Variants in OSBP2 observed in about 807,000 individuals in gnomAD.
OSBP2 encodes oxysterol-binding protein 2.
Under a neutral mutation model 96.0 loss-of-function variants are expected in OSBP2, and 66 were observed. The ratio of observed to expected loss-of-function variants is 0.69; its 90% confidence interval spans 0.56 to 0.84. The LOEUF (loss-of-function observed/expected upper bound fraction) is 0.84. Among genes scored for constraint, OSBP2 ranks in the 40% least tolerant of loss-of-function variants. OSBP2 has a pLI of 0.00. For missense variants in OSBP2, 1,038 were observed against 1,222.7 expected, an observed-to-expected ratio of 0.85 and a Z score of 2.25; for synonymous variants, 525 against 520.9, an observed-to-expected ratio of 1.01 and a Z score of -0.11.
intron 2 of OSBP2, among the ~76,000 whole-genome samples, chr22:30,864,763 C>T (rs1452885062): frequency 4.6e-5 from 7 of 152,122 alleles, no homozygotes; most frequent in South Asian, 2.1e-4. Context: ...GTGCAGTGAG[C>T]GGGGTGAGTG....
At chr22:30,791,260 C>T (rs1332154245) in intron 2 of OSBP2, among the ~76,000 whole-genome samples, 5 of 151,586 alleles carry the variant, frequency 3.3e-5, no homozygotes, top group Admixed American at 3.3e-4. Context: ...GTGTGAGCCA[C>T]CATGCCCAGC....
chr22:30,707,992 A>C (rs897068640), intron 1 of OSBP2, among the ~76,000 whole-genome samples: 1 of 151,582 alleles, frequency 6.6e-6, no homozygotes, highest in Non-Finnish European at 1.5e-5. Flanking sequence ...GGTTCAAGCG[A>C]GTCTCCTGCC....
At chr22:30,756,498 G>A (rs1035294701) in intron 2 of OSBP2, among the ~76,000 whole-genome samples, 8 of 152,266 alleles carry the variant, frequency 5.3e-5, no homozygotes, top group African/African-American at 1.9e-4. Flanking sequence ...TTCCAGACCA[G>A]CCTGACCAAT....
At chr22:30,857,603 A>G (rs1332486107) in intron 2 of OSBP2, among the ~76,000 whole-genome samples, 1 of 152,264 alleles carries the variant, frequency 6.6e-6, no homozygotes, top group Admixed American at 6.5e-5. Context: ...TAGCCAAGTA[A>G]TAATGGCCAA....
chr22:30,875,630 C>G (rs1569160963), intron 3 of OSBP2, among the ~76,000 whole-genome samples: 1 of 152,228 alleles, frequency 6.6e-6, no homozygotes. Flanking sequence ...CCTCGGCCTC[C>G]CAAAGTGCTG....
intron 2 of OSBP2, among the ~76,000 whole-genome samples, chr22:30,814,531 A>G (rs112790967): frequency 0.011 from 1,690 of 151,406 alleles, 30 homozygotes; most frequent in African/African-American, 0.035. Context: ...TCCCGGGTTC[A>G]AGTGATTCTG....
At chr22:30,775,830 C>T (rs1214903790) in intron 2 of OSBP2, among the ~76,000 whole-genome samples, 1 of 151,320 alleles carries the variant, frequency 6.6e-6, no homozygotes, top group Non-Finnish European at 1.5e-5. Context: ...GTGTCTTGCT[C>T]TGTTGCTCAG....
intron 1 of OSBP2, among the ~76,000 whole-genome samples, chr22:30,716,704 C>G (rs5753283): frequency 1.3e-5 from 2 of 152,182 alleles, no homozygotes; most frequent in Non-Finnish European, 2.9e-5. Context: ...TCCCAAAATG[C>G]TGGGATTACA....
intron 1 of OSBP2, among the ~76,000 whole-genome samples, chr22:30,719,754 A>C (rs141107833): frequency 0.02 from 2,947 of 148,684 alleles, 93 homozygotes; most frequent in African/African-American, 0.068. Flanking sequence ...ACTCTGTCTC[A>C]AAAAAAAAAG....
At chr22:30,902,110 GAAA>G in intron 12 of OSBP2, 2 of 204,534 alleles carry the variant, frequency 9.8e-6, no homozygotes, top group East Asian at 6.2e-5. Context: ...AGCAATATAA[GAAA>G]AAAAAAAAAA....
intron 1 of OSBP2, among the ~76,000 whole-genome samples, chr22:30,717,114 G>T (rs1241704643): frequency 2.7e-5 from 4 of 146,840 alleles, no homozygotes; most frequent in East Asian, 2.0e-4. Context: ...GTGTGTGTGT[G>T]TGTGTGTGTG....
At chr22:30,885,012 C>G (rs2039780487) in intron 3 of OSBP2, among the ~76,000 whole-genome samples, 1 of 152,174 alleles carries the variant, frequency 6.6e-6, no homozygotes, top group Non-Finnish European at 1.5e-5. Context: ...GTGGCCTGGG[C>G]ACCAGGTGCC....
In OSBP2 at chr22:30,893,894, C is replaced by G; in HGVS notation, c.2268C>G (p.Cys756Trp). The change falls in exon 12 of 14, where the codon TGC becomes TGG. Residue 756 changes from cysteine (C) to tryptophan (W), a missense_variant. Physicochemically the swap from Cys to Trp is radical, Grantham distance 215 (BLOSUM62 -2). Transcript: ENST00000332585. Reference sequence around the variant, plus strand: ...GCTCGTGGGATGAACAAATGGAGTGCTCCAAGGTCATGCATAGCAGTCCCA... The same window carrying G: ...GCTCGTGGGATGAACAAATGGAGTGGTCCAAGGTCATGCATAGCAGTCCCA... ...LSGSWDEQME[C>W]SKVMHSSPSS... 6.3e-7 allele frequency: 1 copy of G among 1,586,422 alleles called. No individual in the cohort carries two copies. The highest frequency in any genetic ancestry group is 8.6e-7 in the Non-Finnish European group (1 of 1,166,240).
chr22:30,816,745 C>T (rs1450233949), intron 2 of OSBP2, among the ~76,000 whole-genome samples: 1 of 152,066 alleles, frequency 6.6e-6, no homozygotes, highest in Non-Finnish European at 1.5e-5. Context: ...CATTCTTTTC[C>T]TTTTCTTTTT....
chr22:30,862,335 G>A (rs560839497), intron 2 of OSBP2, among the ~76,000 whole-genome samples: 1 of 152,332 alleles, frequency 6.6e-6, no homozygotes, highest in East Asian at 1.9e-4. Context: ...GGCTGCTGTG[G>A]TCTCTTGGCC....
At chr22:30,693,943 C>A, upstream of OSBP2, 2 of 882,474 alleles carry the variant, frequency 2.3e-6, no homozygotes, top group Non-Finnish European at 1.7e-6. Flanking sequence ...CCAGCCTGGG[C>A]TACCGAGTGA....
chr22:30,722,242 C>G (rs958388983), intron 1 of OSBP2, among the ~76,000 whole-genome samples: 2 of 152,190 alleles, frequency 1.3e-5, no homozygotes, highest in Non-Finnish European at 2.9e-5. Context: ...TGGCTATACA[C>G]AGGGAAGATT....
At chr22:30,901,008 A>G (rs931713798) in intron 12 of OSBP2, among the ~76,000 whole-genome samples, 1 of 152,232 alleles carries the variant, frequency 6.6e-6, no homozygotes, top group African/African-American at 2.4e-5. Context: ...TTGACAGAGG[A>G]TTATTATCAA....
At chr22:30,902,753 T>C in intron 12 of OSBP2, 2 of 450,866 alleles carry the variant, frequency 4.4e-6, no homozygotes, top group South Asian at 3.8e-5. Context: ...AGACCCAGAG[T>C]GGAATTCGTT....
Sources: allele counts gnomAD v4.1 joint callset (sites outside exome capture counted in the v4.1 genomes callset), GRCh38; gene constraint gnomAD v4.1.1; transcripts MANE v1.5; gene names NCBI Gene and HGNC (gene_info 2026-07-23, HGNC 2026-07-21).